The following MYLK variants were observed in gnomAD, a reference collection of about 807,000 sequenced individuals.
MYLK encodes myosin light chain kinase.
In MYLK, 106 loss-of-function variants were observed where a neutral mutation model predicts 203.4. That is an observed-to-expected ratio of 0.52 (90% CI 0.45 to 0.61). The LOEUF (loss-of-function observed/expected upper bound fraction) is 0.61, where lower values mean the gene tolerates loss of function less well. Among genes scored for constraint, MYLK ranks in the 20% least tolerant of loss-of-function variants. The probability of loss-of-function intolerance (pLI) is 0.00; values close to 1 mark genes in which losing one functional copy is unlikely to be tolerated. For synonymous variants in MYLK, 867 were observed against 959.5 expected, an observed-to-expected ratio of 0.90 and a Z score of 1.78; for missense variants, 2,072 against 2,442.3, an observed-to-expected ratio of 0.85 and a Z score of 3.20.
rs576960086 is a variant in MYLK, at chr3:123,881,848, C to A, written c.-186+2358G>T. On this transcript the variant is annotated intron_variant, in intron 1 of 33. Coordinates refer to ENST00000360304, the MANE Select transcript of MYLK (RefSeq NM_053025.4). Reference sequence around the variant, plus strand: ...CAGAGACCCAGAACCTTTCCCCACCCTTGGAACTCAAAGGCCTCTCCCCTC... The same window carrying A: ...CAGAGACCCAGAACCTTTCCCCACCATTGGAACTCAAAGGCCTCTCCCCTC... Among the ~76,000 whole-genome samples, 4 of 152,314 alleles carry A rather than the reference C, an allele frequency of 2.6e-5. No individual in the cohort carries two copies. The South Asian group carries it at 8.3e-4, about 32-fold the overall frequency.
chr3:123,687,154 A>G (rs1315934967), intron 19 of MYLK, among the ~76,000 whole-genome samples: 1 of 152,184 alleles, frequency 6.6e-6, no homozygotes, highest in East Asian at 1.9e-4. Flanking sequence ...TCCAGGAGAC[A>G]GAGGTTGCAG....
chr3:123,743,183 G>A (rs923044837), intron 5 of MYLK, among the ~76,000 whole-genome samples: 2 of 152,094 alleles, frequency 1.3e-5, no homozygotes, highest in East Asian at 1.9e-4. Context: ...AAAAAGTCTT[G>A]GGAGCTAAAT....
At chr3:123,795,931 A>G (rs1351568506) in intron 3 of MYLK, among the ~76,000 whole-genome samples, 1 of 152,244 alleles carries the variant, frequency 6.6e-6, no homozygotes, top group Non-Finnish European at 1.5e-5. Context: ...ATAATCTCTA[A>G]CAAAAATAAA....
At chr3:123,709,134 A>ATTTT (rs1161776768) in intron 14 of MYLK, 30 of 171,828 alleles carry the variant, frequency 1.7e-4, no homozygotes, top group South Asian at 3.1e-4. Context: ...TTCTCACATA[A>ATTTT]TTTTTTTTTT....
chr3:123,647,274 C>T lies in MYLK; in HGVS notation c.4569G>A (p.Gln1523=), dbSNP rs557546245. The change falls in exon 27 of 34, where the codon CAG becomes CAA. Residue 1523 remains glutamine, a synonymous_variant. Coordinates refer to ENST00000360304, the MANE Select transcript of MYLK (RefSeq NM_053025.4). The part of the protein sequence containing the change: ...MNCLHHPKLV[Q]CVDAFEEKAN... ...CCTTTTCTTCAAAGGCATCCACACA[C>T]TGGACCAGCTTAGGGTGGTGGAGGC... 6.8e-6 allele frequency: 11 copies of T among 1,614,238 alleles called. No individual in the cohort carries two copies. In the Admixed American group the frequency reaches 1.5e-4, roughly 22 times the overall value.
At position 123,640,336 on chromosome 3, in the gene MYLK, C is replaced by G. The variant is rs763755515; in HGVS notation, c.4788G>C (p.Lys1596Asn). ...LKPENIMCVN[K>N]TGTRIKLIDF... is the part of the protein sequence containing the mutation. ...CGATGAGCTTGATCCTGGTGCCCGT[C>G]TTGTTGACACACATGATGTTCTCCG... Residue 1596 changes from lysine (K) to asparagine (N), a missense_variant, in exon 28 of 34, where the codon AAG becomes AAC. By Grantham distance (94) the Lys-to-Asn change is moderately conservative. Coordinates refer to ENST00000360304, the MANE Select transcript of MYLK (RefSeq NM_053025.4). The surrounding 1 kb of genome is among the most constrained non-coding windows in gnomAD (Gnocchi z 4.3). 6.2e-7 allele frequency: 1 copy of G among 1,614,038 alleles called. No homozygotes were observed. The highest frequency in any genetic ancestry group is 8.5e-7 in the Non-Finnish European group (1 of 1,180,010).
chr3:123,725,242 CCTGGGGATCCCCACAGTAGTCCCTGCT>C (rs2062238332), intron 12 of MYLK, among the ~76,000 whole-genome samples: 1 of 152,150 alleles, frequency 6.6e-6, no homozygotes, highest in East Asian at 1.9e-4. Context: ...TTTCACCCTC[CCTGGGGATCCCCACAGTAGTCCCTGCT>C]CCATCTTATC....
chr3:123,653,766 T>A (rs189729259), intron 24 of MYLK, among the ~76,000 whole-genome samples: 1 of 152,340 alleles, frequency 6.6e-6, no homozygotes, highest in Admixed American at 6.5e-5. Flanking sequence ...CTGGTCCTGC[T>A]GCCTGGGGTT....
chr3:123,627,381 C>T (rs2058199042), intron 30 of MYLK, among the ~76,000 whole-genome samples: 2 of 152,184 alleles, frequency 1.3e-5, no homozygotes, highest in African/African-American at 4.8e-5. Flanking sequence ...AAATCTCCGA[C>T]AATCACTGAA....
chr3:123,749,512 T>C (rs1003190876), intron 5 of MYLK, among the ~76,000 whole-genome samples: 5 of 152,170 alleles, frequency 3.3e-5, no homozygotes, highest in Admixed American at 2.6e-4. Context: ...CCTGAATAAC[T>C]GCATGGCCCT....
intron 3 of MYLK, among the ~76,000 whole-genome samples, chr3:123,803,769 C>G (rs554777783): frequency 6.6e-6 from 1 of 152,176 alleles, no homozygotes; most frequent in Non-Finnish European, 1.5e-5. Flanking sequence ...ACCTGGTCCT[C>G]GAGACACACC....
Position 123,733,932 on chromosome 3 carries a change from T to C in MYLK, c.1064A>G (p.Glu355Gly). ...GACCCCCAGGCCTGGTGCTCTTGGT[T>C]CCGGCTGAACTCTTGCGGCCTGCAG... ...ITLQAARVQP[E>G]PRAPGLGVLS... Residue 355 changes from glutamate to glycine, a missense_variant, in exon 10 of 34, where the codon GAA becomes GGA. By Grantham distance (98) the Glu-to-Gly change is moderately conservative (BLOSUM62 -2). This residue lies in a region of MYLK where 683 missense variants were observed against 643.8 expected (regional missense o/e 1.06). Transcript: ENST00000360304. The C allele has an allele frequency of 3.1e-6, 5 of 1,614,194 alleles. No individual in the cohort carries two copies. The highest frequency in any genetic ancestry group is 4.2e-6 in the Non-Finnish European group (5 of 1,180,034).
At chr3:123,703,925 C>T (rs895780667) in intron 16 of MYLK, among the ~76,000 whole-genome samples, 4 of 152,238 alleles carry the variant, frequency 2.6e-5, no homozygotes, top group African/African-American at 9.6e-5. Context: ...CGGCTTTACC[C>T]CAGCTGGACT....
intron 13 of MYLK, among the ~76,000 whole-genome samples, chr3:123,710,370 A>T (rs1231428032): frequency 6.6e-6 from 1 of 152,204 alleles, no homozygotes; most frequent in Non-Finnish European, 1.5e-5. Flanking sequence ...TTCTTAAAAA[A>T]GTAAATGAAA....
At chr3:123,737,569 G>T (rs776404007) in intron 7 of MYLK, 26 bp from the exon 8 acceptor site, 1 of 1,613,760 alleles carries the variant, frequency 6.2e-7, no homozygotes, top group Non-Finnish European at 8.5e-7. Flanking sequence ...GGGTAACTTG[G>T]TCATACAAAT....
chr3:123,836,355 ATCT>A (rs2066474951), intron 2 of MYLK, among the ~76,000 whole-genome samples: 1 of 152,248 alleles, frequency 6.6e-6, no homozygotes, highest in African/African-American at 2.4e-5. Flanking sequence ...ATGTAATCAC[ATCT>A]TCTAGAGATA....
intron 22 of MYLK, 91 bp from the exon 23 acceptor site, chr3:123,664,349 G>T: frequency 6.4e-7 from 1 of 1,559,662 alleles, no homozygotes. Flanking sequence ...CTTCCTGAAG[G>T]ATGCAGCTGG....
chr3:123,725,938 A>G lies in MYLK; in HGVS notation c.1651+6T>C, dbSNP rs820329. On this transcript the variant is annotated splice_donor_region_variant and intron_variant, in intron 12 of 33. Coordinates refer to ENST00000360304, the MANE Select transcript of MYLK (RefSeq NM_053025.4). The stretch of plus-strand genomic sequence containing the variant: ...GGAGCAGAGAGCTGGGGCAGGGGGA[A>G]CTCACCATTCAGCAGCCAAGTGATC... The G allele has an allele frequency of 6.2e-7, 1 of 1,613,224 alleles. No homozygotes were observed. The highest frequency in any genetic ancestry group is 8.5e-7 in the Non-Finnish European group (1 of 1,179,386).
chr3:123,831,278 A>C, intron 3 of MYLK: 1 of 968,144 alleles, frequency 1.0e-6, no homozygotes. Flanking sequence ...GCAGGCCCTT[A>C]ATCTTGTTTC....
Sources: gnomAD v4.1 joint callset for allele counts (sites outside exome capture counted in the v4.1 genomes callset) on GRCh38, gnomAD v4.1.1 for gene constraint, gnomAD v4.1.1 regional missense constraint, Gnocchi (gnomAD v3.1) non-coding constraint, MANE v1.5 for transcripts, NCBI Gene and HGNC (gene_info 2026-07-23, HGNC 2026-07-21) for gene names.